Variants in ZMYND11 observed in about 807,000 individuals in gnomAD.
ZMYND11 encodes zinc finger MYND-type containing 11.
Under a neutral mutation model 84.9 loss-of-function variants are expected in ZMYND11, and 9 were observed. The observed-to-expected ratio is 0.11, with a 90% CI of 0.06 to 0.18. The LOEUF (loss-of-function observed/expected upper bound fraction) is 0.18. Among genes scored for constraint, ZMYND11 ranks in the 10% least tolerant of loss-of-function variants. The probability of loss-of-function intolerance (pLI) is 1.00; values close to 1 mark genes in which losing one functional copy is unlikely to be tolerated. For missense variants in ZMYND11, 409 were observed against 761.0 expected (o/e 0.54, Z 5.44); for synonymous variants, 250 against 244.1 (o/e 1.02, Z -0.23).
Position 144,293 on chromosome 10 carries a change from A to T in ZMYND11, c.-20+8734A>T, listed in dbSNP as rs1838189286. ...GAGTGCAGTAGCACCATAACTGCTC[A>T]CTGCAGCCTTGATTTCCTGGGGTCA... On this transcript the variant is annotated intron_variant, in intron 1 of 14. Transcript: ENST00000381604. 1.3e-5 allele frequency among the ~76,000 whole-genome samples: 2 copies of T among 152,152 alleles called. 1 individual carries two copies. The highest frequency in any genetic ancestry group is 1.3e-4 in the Admixed American group (2 of 15,274).
chr10:218,976 T>C (rs1946664680), intron 3 of ZMYND11, among the ~76,000 whole-genome samples: 1 of 152,230 alleles, frequency 6.6e-6, no homozygotes, highest in Admixed American at 6.5e-5. Flanking sequence ...TGAACAGCTA[T>C]TGCCGTGATT....
chr10:239,661 G>A, intron 7 of ZMYND11, 136 bp downstream of exon 7: 1 of 700,704 alleles, frequency 1.4e-6, no homozygotes, highest in Non-Finnish European at 2.3e-6. Flanking sequence ...TATAAGGTTA[G>A]GAATATCTGG....
chr10:236,016 C>G (rs1949900388), intron 4 of ZMYND11, among the ~76,000 whole-genome samples: 1 of 152,096 alleles, frequency 6.6e-6, no homozygotes, highest in Admixed American at 6.6e-5. Flanking sequence ...AAGAATTATA[C>G]CATTGGGCAG....
chr10:188,779 A>G (rs897181927), intron 2 of ZMYND11, among the ~76,000 whole-genome samples: 1 of 152,156 alleles, frequency 6.6e-6, no homozygotes, highest in Non-Finnish European at 1.5e-5. Context: ...GAGGTTTATA[A>G]TTATTTTAAG....
chr10:160,135 G>A (rs1365548642), intron 1 of ZMYND11, among the ~76,000 whole-genome samples: 2 of 152,086 alleles, frequency 1.3e-5, no homozygotes, highest in South Asian at 2.1e-4. Flanking sequence ...GTATACAGGC[G>A]TACCCTGGAT....
Position 242,254 on chromosome 10 carries a change from A to C in ZMYND11, c.950+115A>C, listed in dbSNP as rs117791203. 3.4e-4 allele frequency: 486 copies of C among 1,449,096 alleles called. 2 individuals are homozygous for C. In the East Asian group the frequency reaches 7.8e-3, roughly 23 times the overall value. The allele number at this position is 1,449,096 out of a possible 1,614,324, so 89.8% of individuals were successfully genotyped here. Reference sequence around the variant, plus strand: ...GTTTATTTTAAATTGGAAAAAAAAAACACATTATGCATCCAAGAATACGTT... The same window carrying C: ...GTTTATTTTAAATTGGAAAAAAAAACCACATTATGCATCCAAGAATACGTT... On this transcript the variant is annotated intron_variant, in intron 10 of 14. Coordinates refer to ENST00000381604, the MANE Select transcript of ZMYND11 (RefSeq NM_001370100.5).
chr10:181,594 G>A (rs1194101513), intron 2 of ZMYND11, among the ~76,000 whole-genome samples: 1 of 152,070 alleles, frequency 6.6e-6, no homozygotes, highest in Non-Finnish European at 1.5e-5. Flanking sequence ...ACTCCAACCT[G>A]GGTAACAGTG....
At position 139,606 on chromosome 10, in the gene ZMYND11, A is replaced by T. The variant is rs548256901; in HGVS notation, c.-20+4047A>T. Among the ~76,000 whole-genome samples the T allele has an allele frequency of 1.3e-5, 2 of 151,884 alleles. 1 individual carries two copies. The highest frequency in any genetic ancestry group is 3.9e-4 in the East Asian group (2 of 5,188). Reference sequence around the variant, plus strand: ...CAATTTTATAACATAAATGAGGACCATAATAATAATATATCATGTATTGTC... The same window carrying T: ...CAATTTTATAACATAAATGAGGACCTTAATAATAATATATCATGTATTGTC... On this transcript the variant is annotated intron_variant, in intron 1 of 14. Coordinates refer to ENST00000381604, the MANE Select transcript of ZMYND11 (RefSeq NM_001370100.5).
At chr10:209,278 A>T (rs1944751245) in intron 2 of ZMYND11, among the ~76,000 whole-genome samples, 2 of 152,194 alleles carry the variant, frequency 1.3e-5, no homozygotes, top group African/African-American at 2.4e-5. Flanking sequence ...TTAAAAAAAT[A>T]CCTTGTAACG....
At chr10:158,932 T>C (rs1842309587) in intron 1 of ZMYND11, among the ~76,000 whole-genome samples, 1 of 151,584 alleles carries the variant, frequency 6.6e-6, no homozygotes, top group African/African-American at 2.4e-5. Context: ...GTTGTAATAA[T>C]TTTATTCCAA....
chr10:140,216 C>T (rs1384382122), intron 1 of ZMYND11, among the ~76,000 whole-genome samples: 4 of 151,992 alleles, frequency 2.6e-5, no homozygotes, highest in Non-Finnish European at 4.4e-5. Flanking sequence ...GATAAGAGGT[C>T]AATGATAGAA....
chr10:218,563 C>T (rs1324522349), intron 3 of ZMYND11: 2 of 275,770 alleles, frequency 7.3e-6, no homozygotes, highest in Non-Finnish European at 1.5e-5. Context: ...ATTGTAGTTT[C>T]TCTTTTACCT....
intron 2 of ZMYND11, among the ~76,000 whole-genome samples, chr10:202,954 A>C (rs1943497878): frequency 6.6e-6 from 1 of 152,126 alleles, no homozygotes; most frequent in African/African-American, 2.4e-5. Context: ...TCAAGGAATA[A>C]TAAAATGCAG....
chr10:149,604 T>A (rs1228377869), intron 1 of ZMYND11, among the ~76,000 whole-genome samples: 1 of 152,126 alleles, frequency 6.6e-6, no homozygotes, highest in Non-Finnish European at 1.5e-5. Context: ...GTAGTTTGCT[T>A]TTGAAAGAAC....
chr10:218,249 C>T (rs181002202), intron 3 of ZMYND11, among the ~76,000 whole-genome samples: 53 of 152,206 alleles, frequency 3.5e-4, no homozygotes, highest in Non-Finnish European at 1.3e-4. Context: ...CTAGTAATGA[C>T]TCTTATGTTT....
intron 10 of ZMYND11, among the ~76,000 whole-genome samples, chr10:245,959 T>A (rs560004629): frequency 5.9e-5 from 9 of 152,176 alleles, no homozygotes; most frequent in Non-Finnish European, 7.3e-5. Flanking sequence ...AAACTCAAGA[T>A]CACGTAGACC....
chr10:158,335 C>T (rs2131430481), intron 1 of ZMYND11, among the ~76,000 whole-genome samples: 1 of 152,142 alleles, frequency 6.6e-6, no homozygotes, highest in South Asian at 2.1e-4. Context: ...TTTACATTAC[C>T]ACCAGCAATG....
intron 1 of ZMYND11, among the ~76,000 whole-genome samples, chr10:175,745 C>T (rs1554766795): frequency 6.6e-6 from 1 of 151,684 alleles, no homozygotes; most frequent in Admixed American, 6.6e-5. Flanking sequence ...TATGGATAAA[C>T]CTAATATAAA....
intron 1 of ZMYND11, among the ~76,000 whole-genome samples, chr10:160,236 A>G (rs566507626): frequency 1.3e-4 from 20 of 152,378 alleles, no homozygotes; most frequent in African/African-American, 4.3e-4. Flanking sequence ...CAATATGGAT[A>G]AAAGTTATGT....
Sources: gnomAD v4.1 joint callset for allele counts (sites outside exome capture counted in the v4.1 genomes callset) on GRCh38, gnomAD v4.1.1 for gene constraint, MANE v1.5 for transcripts, NCBI Gene and HGNC (gene_info 2026-07-23, HGNC 2026-07-21) for gene names.